The following RNF213 variants were observed in gnomAD, a reference collection of about 807,000 sequenced individuals.
RNF213 encodes E3 ubiquitin-protein ligase RNF213.
In RNF213, 341 loss-of-function variants were observed where a neutral mutation model predicts 514.4. The observed-to-expected ratio is 0.66, with a 90% CI of 0.61 to 0.73. The LOEUF (loss-of-function observed/expected upper bound fraction) is 0.73, where lower values mean the gene tolerates loss of function less well. Ranked by LOEUF, RNF213 falls within the 30% of genes least tolerant of loss-of-function variation. The pLI, the probability that RNF213 is intolerant of heterozygous loss-of-function variation, is 0.00. For missense variants in RNF213, 5,767 were observed against 6,615.6 expected (o/e 0.87, Z 4.45); for synonymous variants, 2,655 against 2,658.2 (o/e 1.00, Z 0.04).
At chr17:80,388,553 C>A in intron 63 of RNF213, 59 bp from the exon 64 acceptor site, 1 of 1,150,264 alleles carries the variant, frequency 8.7e-7, no homozygotes, top group Non-Finnish European at 1.3e-6. Context: ...TGTTTGTCAT[C>A]TGCTGGAAAT....
chr17:80,354,560 G>A lies in RNF213; in HGVS notation c.10846G>A (p.Glu3616Lys). 1 of 1,614,232 alleles carries A rather than the reference G, an allele frequency of 6.2e-7. No homozygotes were observed. The highest frequency in any genetic ancestry group is 8.5e-7 in the Non-Finnish European group (1 of 1,180,046). ...REACNQDALQ[E>K]AGTFRHTLWK... is the part of the protein sequence containing the mutation. ...AGCCTGCAACCAGGACGCTCTCCAGGAGGCGGGCACATTCAGGTACTGTGA... is the reference window on the plus strand; with the variant it reads ...AGCCTGCAACCAGGACGCTCTCCAGAAGGCGGGCACATTCAGGTACTGTGA... The change falls in exon 36 of 68, where the codon GAG becomes AAG. Residue 3616 changes from glutamate (E) to lysine (K), a missense_variant. By Grantham distance (56) the Glu-to-Lys change is moderately conservative. Around this residue, in one of 13 missense-constraint regions of RNF213, gnomAD observed 919 missense variants for 1,121.0 expected, o/e 0.82. Coordinates refer to ENST00000582970, the MANE Select transcript of RNF213 (RefSeq NM_001256071.3).
chr17:80,385,652 G>A (rs752724887), intron 61 of RNF213, 31 bp downstream of exon 61: 23 of 1,584,524 alleles, frequency 1.5e-5, no homozygotes, highest in Admixed American at 8.4e-5. Context: ...ACCACTAAGC[G>A]TTCCAGGAGA....
At chr17:80,277,574 G>T (rs977662593) in intron 3 of RNF213, among the ~76,000 whole-genome samples, 3 of 147,548 alleles carry the variant, frequency 2.0e-5, no homozygotes, top group Non-Finnish European at 4.4e-5. Context: ...CTCCAGCCTG[G>T]GCGACAGTGA....
chr17:80,280,060 G>A (rs936760826), intron 3 of RNF213, among the ~76,000 whole-genome samples: 5 of 152,214 alleles, frequency 3.3e-5, no homozygotes, highest in Non-Finnish European at 7.3e-5. Context: ...CTTAAGTGTA[G>A]GCAGAAGCCT....
chr17:80,391,811 T>A (rs1009774923), intron 67 of RNF213, among the ~76,000 whole-genome samples: 7 of 133,984 alleles, frequency 5.2e-5, no homozygotes, highest in African/African-American at 8.3e-5. Context: ...TGCTGTGTCA[T>A]CCAGGCTAGA....
chr17:80,371,986 G>T lies in RNF213; in HGVS notation c.12537+1G>T, dbSNP rs745781266. The T allele has an allele frequency of 6.9e-7, 1 of 1,446,362 alleles. No individual in the cohort carries two copies. The highest frequency in any genetic ancestry group is 9.7e-7 in the Non-Finnish European group (1 of 1,026,982). 89.6% of individuals were successfully genotyped at this position (1,446,362 alleles called of 1,614,324 possible). Reference sequence around the variant, plus strand: ...CATGCTCTTCATCAACTGCCTGGAGGTAAGTGAACTCTCTCTTCCCTGAAT... The same window carrying T: ...CATGCTCTTCATCAACTGCCTGGAGTTAAGTGAACTCTCTCTTCCCTGAAT... On this transcript the variant is annotated splice_donor_variant, in intron 47 of 67. Coordinates refer to ENST00000582970, the MANE Select transcript of RNF213 (RefSeq NM_001256071.3). LOFTEE classifies it high-confidence loss of function.
chr17:80,388,374 CGAT>C (rs1253504291), intron 63 of RNF213, among the ~76,000 whole-genome samples: 1 of 152,132 alleles, frequency 6.6e-6, no homozygotes, highest in Non-Finnish European at 1.5e-5. Context: ...AAGCAGGCCA[CGAT>C]GATGTGACAA....
rs2044559763 is a variant in RNF213, at chr17:80,288,530, A to C, written c.811-103A>C. The stretch of plus-strand genomic sequence containing the variant: ...GCCCCTCCACTGGGGATGCCAGCCC[A>C]CCCTGTCCCTCGGCTTGTGGCAGAT... On this transcript the variant is annotated intron_variant, in intron 4 of 67. Coordinates refer to ENST00000582970, the MANE Select transcript of RNF213 (RefSeq NM_001256071.3). The surrounding 1 kb of genome is among the most constrained non-coding windows in gnomAD (Gnocchi z 4.9). The C allele has an allele frequency of 6.2e-7, 1 of 1,609,498 alleles. No individual in the cohort carries two copies. Among genetic ancestry groups the C allele is most frequent in the South Asian group, 1.1e-5 (1 of 90,862 alleles).
chr17:80,330,757 G>C (rs539626648), intron 20 of RNF213, among the ~76,000 whole-genome samples: 1 of 152,344 alleles, frequency 6.6e-6, no homozygotes, highest in East Asian at 1.9e-4. Flanking sequence ...TGGCTGCTGG[G>C]GTGAAGAAGG....
Position 80,353,963 on chromosome 17 carries a change from C to G in RNF213, c.10579-56C>G. On this transcript the variant is annotated intron_variant, in intron 34 of 67. Transcript: ENST00000582970. This position sits in a 1 kb window ranked among gnomAD's most constrained non-coding sequence, Gnocchi z 5.0. Reference sequence around the variant, plus strand: ...CCCTCATCGCATACGGGCGGTTTGGCTTTTGCCCACTGTGTCAGTGGCAGA... The same window carrying G: ...CCCTCATCGCATACGGGCGGTTTGGGTTTTGCCCACTGTGTCAGTGGCAGA... The G allele has an allele frequency of 6.2e-7, 1 of 1,611,008 alleles. No individual in the cohort carries two copies. The highest frequency in any genetic ancestry group is 8.5e-7 in the Non-Finnish European group (1 of 1,178,532).
rs1325220378 is a variant in RNF213 at position 80,385,546 on chromosome 17, A to G, written c.14464A>G (p.Arg4822Gly). 1.2e-6 allele frequency: 2 copies of G among 1,614,084 alleles called. No homozygotes were observed. The highest frequency in any genetic ancestry group is 1.7e-6 in the Non-Finnish European group (2 of 1,179,946). The stretch of plus-strand genomic sequence containing the variant: ...AGTATTCTGTTCAACAGATGGGTTG[A>G]GGCAGCTGCTTCACAACAGGATCAC... Reference protein sequence around the residue: ...FLSKHSSDGLRQLLHNRITVF... With the variant: ...FLSKHSSDGLGQLLHNRITVF... The change falls in exon 61 of 68, where the codon AGG becomes GGG. Residue 4822 changes from arginine to glycine, a missense_variant. Coordinates refer to ENST00000582970, the MANE Select transcript of RNF213 (RefSeq NM_001256071.3).
chr17:80,383,433 C>G (rs1356490875), intron 58 of RNF213, among the ~76,000 whole-genome samples: 2 of 152,310 alleles, frequency 1.3e-5, no homozygotes, highest in East Asian at 3.9e-4. Flanking sequence ...AATTATTCAT[C>G]TAGCAGCCAG....
chr17:80,363,338 T>C (rs1343319367), intron 40 of RNF213, 24 bp downstream of exon 40: 2 of 1,606,374 alleles, frequency 1.2e-6, no homozygotes, highest in Non-Finnish European at 1.7e-6. Context: ...CCGCCTGCCC[T>C]GAGCAAGCCT....
At chr17:80,310,964 A>G (rs2045551564) in intron 14 of RNF213, among the ~76,000 whole-genome samples, 1 of 152,254 alleles carries the variant, frequency 6.6e-6, no homozygotes, top group Non-Finnish European at 1.5e-5. Flanking sequence ...AAAGTACCAC[A>G]GACACAGTTT....
At chr17:80,393,301 T>A (rs1419193568) in intron 67 of RNF213, 44 bp from the exon 68 acceptor site, 1 of 1,599,088 alleles carries the variant, frequency 6.3e-7, no homozygotes, top group Admixed American at 1.7e-5. Context: ...TGAGCCACCA[T>A]GCTGAGGAGA....
At chr17:80,333,226 ATTT>A (rs370966572) in intron 21 of RNF213, among the ~76,000 whole-genome samples, 15 of 141,028 alleles carry the variant, frequency 1.1e-4, no homozygotes, top group African/African-American at 1.8e-4. Flanking sequence ...TTTTTTTGGT[ATTT>A]TTTTTTTTTT....
rs535704599 is a variant in RNF213, at chr17:80,353,207, G to C, written c.10423+148G>C. 65 of 1,128,500 alleles carry C rather than the reference G, an allele frequency of 5.8e-5. 2 individuals carry two copies. In the Middle Eastern group the frequency reaches 3.1e-3, roughly 54 times the overall value. 69.9% of individuals were successfully genotyped at this position (1,128,500 alleles called of 1,614,324 possible). ...CGGGGACACATCTGCAGAACTGACT[G>C]GTGGCTCATCATAGAGCACCAGGGC... On this transcript the variant is annotated intron_variant, in intron 33 of 67. Transcript: ENST00000582970. This position sits in a 1 kb window ranked among gnomAD's most constrained non-coding sequence, Gnocchi z 5.0.
intron 16 of RNF213, 78 bp from the exon 17 acceptor site, chr17:80,319,111 AT>A (rs2046049291): frequency 6.8e-6 from 11 of 1,612,730 alleles, no homozygotes; most frequent in Non-Finnish European, 9.3e-6. Flanking sequence ...AGTAAAAATG[AT>A]GAAAGAATTT....
In RNF213 at chr17:80,361,904, C is replaced by T. The variant is rs1182524802; in HGVS notation, c.11355+16C>T. The T allele has an allele frequency of 6.2e-7, 1 of 1,608,754 alleles. No individual in the cohort carries two copies. Among genetic ancestry groups the T allele is most frequent in the Non-Finnish European group, 8.5e-7 (1 of 1,176,664 alleles). ...GGAATTAAAGGTAGATGTTTAGATA[C>T]TGGCTAAGGGTCAGGTGTAGAGCTT... is the stretch of plus-strand genomic sequence containing the variant. On this transcript the variant is annotated intron_variant, in intron 39 of 67. Transcript: ENST00000582970.
Sources: allele counts gnomAD v4.1 joint callset (sites outside exome capture counted in the v4.1 genomes callset), GRCh38; gene constraint gnomAD v4.1.1; regional missense constraint gnomAD v4.1.1; non-coding constraint Gnocchi (gnomAD v3.1); transcripts MANE v1.5; gene names NCBI Gene and HGNC (gene_info 2026-07-23, HGNC 2026-07-21).